The following LBHD1 variants were observed in gnomAD, a reference collection of about 807,000 sequenced individuals.
LBHD1 encodes LBH domain containing 1, also known as LBH domain-containing protein 1.
A neutral mutation model predicts 31.1 loss-of-function variants in LBHD1; 28 were observed. The ratio of observed to expected loss-of-function variants is 0.90; its 90% CI spans 0.67 to 1.24. LBHD1 has a LOEUF of 1.24. Among genes scored for constraint, LBHD1 ranks in the 50% most tolerant of loss-of-function variants. LBHD1 has a pLI of 0.00. For missense variants in LBHD1, 350 were observed against 323.0 expected (o/e 1.08, Z -0.64); for synonymous variants, 105 against 116.5 (o/e 0.90, Z 0.63).
chr11:62,670,951 C>A, intron 1 of LBHD1: 1 of 191,220 alleles, frequency 5.2e-6, no homozygotes, highest in African/African-American at 2.4e-5. Flanking sequence ...AAAGCAATAC[C>A]AGCCGGGCGT....
Position 62,671,705 on chromosome 11 carries a change from G to C in LBHD1, c.-152C>G, listed in dbSNP as rs776099710. The C allele has an allele frequency of 5.0e-6, 8 of 1,606,732 alleles. No individual in the cohort carries two copies. In the African/African-American group the frequency reaches 9.4e-5, roughly 19 times the overall value. ...CCGCGCGGCAACAGCTTGCGGCTGCGGGGAGCTCCCGTGGGCGCTCCGCTG... is the reference window on the plus strand; with the variant it reads ...CCGCGCGGCAACAGCTTGCGGCTGCCGGGAGCTCCCGTGGGCGCTCCGCTG... On this transcript the variant is annotated 5_prime_UTR_variant, in exon 1 of 7. Coordinates refer to ENST00000354588, the MANE Select transcript of LBHD1 (RefSeq NM_024099.5).
chr11:62,668,794 ACT>A (rs1348837752), intron 3 of LBHD1, among the ~76,000 whole-genome samples: 10 of 150,802 alleles, frequency 6.6e-5, no homozygotes, highest in South Asian at 2.1e-4. Context: ...ACAGAGCAAG[ACT>A]CTGTCTCAAA....
chr11:62,664,487 C>G (rs141692048), intron 5 of LBHD1, among the ~76,000 whole-genome samples: 1 of 151,844 alleles, frequency 6.6e-6, no homozygotes, highest in Non-Finnish European at 1.5e-5. Flanking sequence ...CCGGCCACAA[C>G]GCCTGGCTAA....
At chr11:62,666,947 C>A in intron 4 of LBHD1, 1 of 1,614,158 alleles carries the variant, frequency 6.2e-7, no homozygotes, top group Non-Finnish European at 8.5e-7. Flanking sequence ...TGTGCGACTG[C>A]CCTGCCTGGA....
At chr11:62,669,614 G>A in intron 3 of LBHD1, 27 bp downstream of exon 3, 1 of 1,597,748 alleles carries the variant, frequency 6.3e-7, no homozygotes. Context: ...GCTCACAGTG[G>A]CCCCCTGAAT....
intron 5 of LBHD1, among the ~76,000 whole-genome samples, chr11:62,664,541 G>A (rs1056555827): frequency 2.0e-5 from 3 of 152,028 alleles, no homozygotes; most frequent in Admixed American, 6.6e-5. Context: ...ATGTTGGTCA[G>A]GCTGGTCTCG....
At position 62,669,635 on chromosome 11, in the gene LBHD1, C is replaced by T; in HGVS notation, c.313+6G>A. The T allele has an allele frequency of 6.2e-7, 1 of 1,610,400 alleles. No individual in the cohort carries two copies. Among genetic ancestry groups the T allele is most frequent in the Non-Finnish European group, 8.5e-7 (1 of 1,178,126 alleles). Reference sequence around the variant, plus strand: ...AGTGGCCCCCTGAATGAGCCACCTCCCTCACCTGGCTCTTCACTTTGGTCT... The same window carrying T: ...AGTGGCCCCCTGAATGAGCCACCTCTCTCACCTGGCTCTTCACTTTGGTCT... On this transcript the variant is annotated splice_donor_region_variant and intron_variant, in intron 3 of 6. Transcript: ENST00000354588.
chr11:62,671,558 C>T lies in LBHD1; in HGVS notation c.-11+6G>A. 1 of 1,432,950 alleles carries T rather than the reference C, an allele frequency of 7.0e-7. No individual in the cohort carries two copies. The highest frequency in any genetic ancestry group is 9.1e-7 in the Non-Finnish European group (1 of 1,097,026). 88.8% of individuals were successfully genotyped at this position (1,432,950 alleles called of 1,614,324 possible). On this transcript the variant is annotated splice_donor_region_variant and intron_variant, in intron 1 of 6. Coordinates refer to ENST00000354588, the MANE Select transcript of LBHD1 (RefSeq NM_024099.5). ...TTCTTGGACACCTCAACCCCCTCAG[C>T]TAAACCTGAGATCCAAGCGCTCCGG...
At position 62,663,445 on chromosome 11, in the gene LBHD1, GCCT is replaced by G. The variant is rs1208126294; in HGVS notation, c.664-115_664-113del. On this transcript the variant is annotated intron_variant, in intron 5 of 6. Transcript: ENST00000354588. ...AAATAGGCTGGGCGCAGTGGCTCAC[GCCT>G]GTAATCCCAGCACTTTGGGAGGCCG... 8 of 1,115,668 alleles carry G rather than the reference GCCT, an allele frequency of 7.2e-6. No homozygotes were observed. In the Admixed American group the frequency reaches 1.3e-4, roughly 19 times the overall value. The allele number at this position is 1,115,668 out of a possible 1,614,324, so 69.1% of individuals were successfully genotyped here.
In LBHD1 at chr11:62,672,179, T is replaced by C; in HGVS notation, c.-626A>G. The C allele has an allele frequency of 1.4e-6, 2 of 1,480,576 alleles. No homozygotes were observed. The highest frequency in any genetic ancestry group is 2.5e-5 in the South Asian group (2 of 80,158). 91.7% of individuals were successfully genotyped at this position (1,480,576 alleles called of 1,614,324 possible). A position where few individuals can be genotyped will look rare whatever the true frequency, so the allele number is the denominator to read the frequency against. ...GCGCAGGAATCCGAGGCAGCCTTTC[T>C]CCTTCGTGGGCCCAGCGGAGAGTCC... On this transcript the variant is annotated 5_prime_UTR_variant, in exon 1 of 7. Transcript: ENST00000354588.
intron 1 of LBHD1, chr11:62,670,472 T>C (rs1341238966): frequency 6.2e-6 from 1 of 162,448 alleles, no homozygotes; most frequent in Non-Finnish European, 1.3e-5. Context: ...CAAGTACTGT[T>C]GTTATAAGCT....
At chr11:62,665,176 G>C (rs537564268) in intron 4 of LBHD1, 3 of 854,896 alleles carry the variant, frequency 3.5e-6, no homozygotes, top group Non-Finnish European at 5.7e-6. Flanking sequence ...CCATAGTCGC[G>C]ATTCCACTCC....
At chr11:62,665,976 CA>C in intron 4 of LBHD1, 1 of 1,588,054 alleles carries the variant, frequency 6.3e-7, no homozygotes, top group Non-Finnish European at 8.6e-7. Flanking sequence ...GTGGAGAGGG[CA>C]AGGTGGGGGC....
Position 62,670,044 on chromosome 11 carries a change from T to TA in LBHD1, c.-10-4dup, listed in dbSNP as rs779824464. The TA allele has an allele frequency of 4.9e-5, 78 of 1,602,086 alleles. No individual in the cohort carries two copies. In the African/African-American group the frequency reaches 5.1e-4, roughly 10 times the overall value. ...GCACAAGGGCCATGGTGGTGATTCT[T>TA]AGAGTGCAAGATGATTGAACTCAGA... On this transcript the variant is annotated splice_polypyrimidine_tract_variant and splice_region_variant and intron_variant, in intron 1 of 6. Coordinates refer to ENST00000354588, the MANE Select transcript of LBHD1 (RefSeq NM_024099.5).
rs748117814 is a variant in LBHD1 at position 62,663,292 on chromosome 11, C to CA, written c.704_705insT (p.Gln236AlafsTer46). On this transcript the variant is annotated frameshift_variant, in exon 6 of 7. Transcript: ENST00000354588. LOFTEE classifies it high-confidence loss of function. ...CCGGATCTGCTGGAGGAGTTTTCTG[C>CA]GCTTCTTCCCTGACAGTGTAATGTT... 1 of 1,614,166 alleles carries CA rather than the reference C, an allele frequency of 6.2e-7. No homozygotes were observed. Among genetic ancestry groups the CA allele is most frequent in the Non-Finnish European group, 8.5e-7 (1 of 1,180,034 alleles).
At chr11:62,665,893 G>A (rs181220820) in intron 4 of LBHD1, 1 of 1,613,506 alleles carries the variant, frequency 6.2e-7, no homozygotes, top group African/African-American at 1.3e-5. Flanking sequence ...GCCGCGCTGC[G>A]TCGAATGCTC....
At chr11:62,667,106 G>A in intron 4 of LBHD1, 2 of 1,502,164 alleles carry the variant, frequency 1.3e-6, no homozygotes, top group South Asian at 2.7e-5. Context: ...GAGGGCTGAA[G>A]AACTGTCTTT....
At chr11:62,665,438 G>T in intron 4 of LBHD1, 1 of 1,546,594 alleles carries the variant, frequency 6.5e-7, no homozygotes, top group Non-Finnish European at 8.7e-7. Flanking sequence ...TTTCTTGGCG[G>T]GGATCGGGCT....
intron 5 of LBHD1, among the ~76,000 whole-genome samples, chr11:62,664,474 G>A (rs1944739796): frequency 6.6e-6 from 1 of 151,794 alleles, no homozygotes; most frequent in Non-Finnish European, 1.5e-5. Flanking sequence ...GGGACTACAG[G>A]TGCCGGCCAC....
Sources: allele counts gnomAD v4.1 joint callset (sites outside exome capture counted in the v4.1 genomes callset), GRCh38; gene constraint gnomAD v4.1.1; transcripts MANE v1.5; gene names NCBI Gene and HGNC (gene_info 2026-07-23, HGNC 2026-07-21).